The following ITPA variants were observed in gnomAD, a reference collection of about 807,000 sequenced individuals.
The protein encoded by ITPA is inosine triphosphate pyrophosphatase.
Under a neutral mutation model 29.6 loss-of-function variants are expected in ITPA, and 29 were observed. The ratio of observed to expected loss-of-function variants is 0.98; its 90% CI spans 0.73 to 1.34. ITPA has a LOEUF of 1.34. ITPA is among the 40% of genes most tolerant of loss of function. The probability of loss-of-function intolerance (pLI) is 0.00; values close to 1 mark genes in which losing one functional copy is unlikely to be tolerated. For synonymous variants in ITPA, 103 were observed against 99.3 expected, an observed-to-expected ratio of 1.04 and a Z score of -0.22; for missense variants, 241 against 251.5, an observed-to-expected ratio of 0.96 and a Z score of 0.28.
upstream of ITPA, among the ~76,000 whole-genome samples, chr20:3,204,334 C>A (rs117450947): frequency 0.017 from 2,628 of 152,216 alleles, 30 homozygotes; most frequent in Middle Eastern, 0.082. Context: ...GGCTTGGAGT[C>A]GAGAGAAAGG....
chr20:3,210,142 G>A (rs930025779), intron 1 of ITPA, among the ~76,000 whole-genome samples: 1 of 152,208 alleles, frequency 6.6e-6, no homozygotes, highest in African/African-American at 2.4e-5. Flanking sequence ...CTATAGAGAG[G>A]AGGAGTAAAG....
At chr20:3,205,269 T>G (rs994915418), upstream of ITPA, among the ~76,000 whole-genome samples, 4 of 151,902 alleles carry the variant, frequency 2.6e-5, no homozygotes, top group African/African-American at 9.7e-5. Context: ...CGATTACCTC[T>G]AGGAGGAGGG....
rs746662660 is a variant in ITPA at position 3,213,345 on chromosome 20, G to A, written c.151G>A (p.Glu51Lys). The A allele has an allele frequency of 1.4e-5, 22 of 1,614,048 alleles. No individual in the cohort carries two copies. The South Asian group carries it at 2.4e-4, about 18-fold the overall frequency. ...GCCGGAGTACCAGGGGGAGCCGGAT[G>A]AGATTTCCATACAGAAATGTCAGGA... The part of the protein sequence containing the change: ...DLPEYQGEPD[E>K]ISIQKCQEAV... Residue 51 changes from glutamate (E) to lysine (K), a missense_variant, in exon 3 of 8, where the codon GAG (glutamate) becomes AAG (lysine). Coordinates refer to ENST00000380113, the MANE Select transcript of ITPA (RefSeq NM_033453.4).
Position 3,209,655 on chromosome 20 carries a change from TG to T in ITPA, c.66+41del. ...TGTTGGGGGCTAACTGGGAGGCGGCTGGGAATAGGGCGGAGAAGGGGCTTCC... is the reference window on the plus strand; with the variant it reads ...TGTTGGGGGCTAACTGGGAGGCGGCTGGAATAGGGCGGAGAAGGGGCTTCC... On this transcript the variant is annotated intron_variant, in intron 1 of 7. Transcript: ENST00000380113. The surrounding 1 kb of genome is among the most constrained non-coding windows in gnomAD (Gnocchi z 4.6). 6.3e-7 allele frequency: 1 copy of T among 1,582,990 alleles called. No homozygotes were observed. The highest frequency in any genetic ancestry group is 1.1e-5 in the South Asian group (1 of 90,292).
intron 4 of ITPA, among the ~76,000 whole-genome samples, chr20:3,215,053 G>T (rs1311290821): frequency 6.6e-6 from 1 of 152,058 alleles, no homozygotes; most frequent in Non-Finnish European, 1.5e-5. Flanking sequence ...TTTTTGTAGA[G>T]ATAGGATTTT....
At chr20:3,211,452 C>A (rs1031614956) in intron 1 of ITPA, among the ~76,000 whole-genome samples, 1 of 151,758 alleles carries the variant, frequency 6.6e-6, no homozygotes, top group Non-Finnish European at 1.5e-5. Context: ...GAATTACAGG[C>A]ATGAACCACC....
upstream of ITPA, chr20:3,204,470 G>C: frequency 6.8e-7 from 1 of 1,468,086 alleles, no homozygotes; most frequent in Non-Finnish European, 9.1e-7. Flanking sequence ...GCGGCGCGAC[G>C]GTCCACAAAG....
rs2067214114 is a variant in ITPA at position 3,213,246 on chromosome 20, T to C, written c.124+20T>C. 6.2e-7 allele frequency: 1 copy of C among 1,614,250 alleles called. No homozygotes were observed. Among genetic ancestry groups the C allele is most frequent in the Admixed American group, 1.7e-5 (1 of 60,026 alleles). ...TTGACCGTATGTCTCTGTTTTGTTT[T>C]ATTTTTAAAAGATGGTTGGATTTCT... is the stretch of plus-strand genomic sequence containing the variant. On this transcript the variant is annotated intron_variant, in intron 2 of 7. Coordinates refer to ENST00000380113, the MANE Select transcript of ITPA (RefSeq NM_033453.4).
rs530926501 is a variant in ITPA, at chr20:3,220,619, G to A, written c.412-1222G>A. On this transcript the variant is annotated intron_variant, in intron 6 of 7. Coordinates refer to ENST00000380113, the MANE Select transcript of ITPA (RefSeq NM_033453.4). The stretch of plus-strand genomic sequence containing the variant: ...GCTGGAGTGTAGTGGCATGACTACC[G>A]TTCATAGCAGCCTTGATCTCTCAGG... Among the ~76,000 whole-genome samples, 7 of 151,386 alleles carry A rather than the reference G, an allele frequency of 4.6e-5. No homozygotes were observed. In the South Asian group the frequency reaches 6.3e-4, roughly 14 times the overall value.
chr20:3,218,672 C>A (rs763909834), intron 6 of ITPA, 40 bp downstream of exon 6: 14 of 1,514,062 alleles, frequency 9.2e-6, no homozygotes, highest in Non-Finnish European at 1.2e-5. Flanking sequence ...CGCGCGCCGC[C>A]AGGGGGTGCC....
chr20:3,213,018 C>G (rs1241462733), intron 1 of ITPA, 151 bp from the exon 2 acceptor site: 5 of 783,900 alleles, frequency 6.4e-6, no homozygotes, highest in Non-Finnish European at 8.8e-6. Context: ...GGGGTGGGAC[C>G]CTGAAAGCCG....
At chr20:3,224,253 C>T (rs2067534828), downstream of ITPA, among the ~76,000 whole-genome samples, 1 of 152,226 alleles carries the variant, frequency 6.6e-6, no homozygotes, top group African/African-American at 2.4e-5. Flanking sequence ...CCCCACTCGG[C>T]GTGATCGCCA....
At chr20:3,215,109 C>A in intron 4 of ITPA, 172 bp from the exon 5 acceptor site, 1 of 656,924 alleles carries the variant, frequency 1.5e-6, no homozygotes, top group South Asian at 1.7e-5. Context: ...TCAAGCGATC[C>A]GCCTGCCTTA....
Position 3,222,400 on chromosome 20 carries a change from C to T in ITPA, c.488+483C>T, listed in dbSNP as rs557045388. Among the ~76,000 whole-genome samples the T allele has an allele frequency of 1.3e-4, 20 of 152,212 alleles. No individual in the cohort carries two copies. In the East Asian group the frequency reaches 2.1e-3, roughly 16 times the overall value. ...TAATTTTTGTTATTTTTGTTAGAGA[C>T]GGGGTTTCACCATGTTGGCCAGGCT... On this transcript the variant is annotated intron_variant, in intron 7 of 7. Transcript: ENST00000380113.
At chr20:3,221,255 C>G (rs920729294) in intron 6 of ITPA, among the ~76,000 whole-genome samples, 2 of 149,178 alleles carry the variant, frequency 1.3e-5, no homozygotes, top group Non-Finnish European at 3.0e-5. Flanking sequence ...CATTTCATGT[C>G]ACTGGATTAC....
chr20:3,214,145 C>A, intron 4 of ITPA, 87 bp downstream of exon 4: 1 of 1,108,222 alleles, frequency 9.0e-7, no homozygotes, highest in South Asian at 1.3e-5. Flanking sequence ...TACTGCAGGT[C>A]ATTCCCTGTC....
chr20:3,207,853 G>C (rs1013048633), upstream of ITPA, among the ~76,000 whole-genome samples: 14 of 151,700 alleles, frequency 9.2e-5, no homozygotes, highest in African/African-American at 2.9e-4. Context: ...AAATTAGCTG[G>C]GCGTCGTGGG....
At chr20:3,206,061 A>AG (rs2122254086), upstream of ITPA, among the ~76,000 whole-genome samples, 3 of 150,144 alleles carry the variant, frequency 2.0e-5, no homozygotes, top group South Asian at 6.3e-4. Flanking sequence ...GTCTCAAAAA[A>AG]AAAAAAAAAA....
chr20:3,204,459 C>T, upstream of ITPA: 1 of 1,427,698 alleles, frequency 7.0e-7, no homozygotes, highest in East Asian at 2.5e-5. Flanking sequence ...GCGCAGGAGC[C>T]GCGGCGCGAC....
Sources: allele counts gnomAD v4.1 joint callset (sites outside exome capture counted in the v4.1 genomes callset), GRCh38; gene constraint gnomAD v4.1.1; non-coding constraint Gnocchi (gnomAD v3.1); transcripts MANE v1.5; gene names NCBI Gene and HGNC (gene_info 2026-07-23, HGNC 2026-07-21).